SORCS2: variants seen among roughly 807,000 people sequenced by gnomAD.
The protein encoded by SORCS2 is sortilin related VPS10 domain containing receptor 2, also known as VPS10 domain-containing receptor SorCS2.
A neutral mutation model predicts 141.6 loss-of-function variants in SORCS2; 100 were observed. The observed-to-expected ratio is 0.71, with a 90% CI of 0.60 to 0.83. The LOEUF (loss-of-function observed/expected upper bound fraction) is 0.83. SORCS2 is among the 40% of genes least tolerant of loss of function. The pLI, the probability that SORCS2 is intolerant of heterozygous loss-of-function variation, is 0.00. For synonymous variants in SORCS2, 789 were observed against 676.9 expected (o/e 1.17, Z -2.57); for missense variants, 1,646 against 1,560.2 (o/e 1.05, Z -0.93).
intron 1 of SORCS2, among the ~76,000 whole-genome samples, chr4:7,373,008 T>TTTG (rs1292538187): frequency 6.0e-5 from 9 of 149,424 alleles, no homozygotes; most frequent in Non-Finnish European, 6.0e-5. Flanking sequence ...TGGTTTCTGT[T>TTTG]TTTTTTTTTT....
rs373481936 is a variant in SORCS2, at chr4:7,215,430, G to T, written c.480+22304G>T. Among the ~76,000 whole-genome samples the T allele has an allele frequency of 1.5e-4, 23 of 152,336 alleles. No homozygotes were observed. In the South Asian group the frequency reaches 4.8e-3, roughly 32 times the overall value. ...CCTTCCCCCGACTCCGTGGGTTCCT[G>T]TGCTGCCCGAGCCTCCCTGACGAGC... On this transcript the variant is annotated intron_variant, in intron 1 of 26. Coordinates refer to ENST00000507866, the MANE Select transcript of SORCS2 (RefSeq NM_020777.3).
intron 2 of SORCS2, among the ~76,000 whole-genome samples, chr4:7,412,511 C>T (rs867200330): frequency 1.3e-5 from 2 of 152,192 alleles, no homozygotes; most frequent in South Asian, 4.1e-4. Flanking sequence ...AAGATCGTCT[C>T]AGATGCTTTT....
At chr4:7,701,584 C>T (rs887509231) in intron 12 of SORCS2, among the ~76,000 whole-genome samples, 1 of 152,174 alleles carries the variant, frequency 6.6e-6, no homozygotes, top group Non-Finnish European at 1.5e-5. Context: ...GTAAGTGTCA[C>T]GGAAGCATTG....
At chr4:7,724,582 G>GTGATGA (rs1726962053) in intron 19 of SORCS2, among the ~76,000 whole-genome samples, 1 of 110,366 alleles carries the variant, frequency 9.1e-6, no homozygotes, top group African/African-American at 3.9e-5. Flanking sequence ...GATGGTGATG[G>GTGATGA]TGGTGGTGTT....
chr4:7,710,958 C>A (rs556234920), intron 14 of SORCS2, among the ~76,000 whole-genome samples: 1 of 152,292 alleles, frequency 6.6e-6, no homozygotes, highest in South Asian at 2.1e-4. Flanking sequence ...GACTGTGAGC[C>A]CAGAACCAGG....
intron 10 of SORCS2, among the ~76,000 whole-genome samples, chr4:7,686,391 A>G (rs1557818): frequency 0.66 from 100,162 of 152,106 alleles, 33,386 homozygotes; most frequent in East Asian, 0.91. Flanking sequence ...GTAGGCTTTG[A>G]TGATTTGCTA....
chr4:7,502,953 C>G (rs11735566), intron 2 of SORCS2, among the ~76,000 whole-genome samples: 1 of 152,098 alleles, frequency 6.6e-6, no homozygotes, highest in Admixed American at 6.5e-5. Context: ...CTTTAAGAAT[C>G]TGTCTACTCC....
At chr4:7,533,610 G>A (rs1360858602) in intron 3 of SORCS2, among the ~76,000 whole-genome samples, 1 of 152,222 alleles carries the variant, frequency 6.6e-6, no homozygotes, top group Non-Finnish European at 1.5e-5. Context: ...TACCTCCAGG[G>A]TCAGCCCTGC....
intron 1 of SORCS2, among the ~76,000 whole-genome samples, chr4:7,384,065 G>A (rs1276841784): frequency 6.6e-6 from 1 of 152,154 alleles, no homozygotes; most frequent in Non-Finnish European, 1.5e-5. Flanking sequence ...ACTGGGTTTC[G>A]TGCCTGTGAA....
intron 3 of SORCS2, among the ~76,000 whole-genome samples, chr4:7,610,794 G>T (rs562131336): frequency 1.3e-5 from 2 of 152,314 alleles, no homozygotes; most frequent in African/African-American, 4.8e-5. Flanking sequence ...ACTACGATTG[G>T]TAAAGTCCCG....
intron 14 of SORCS2, among the ~76,000 whole-genome samples, chr4:7,709,549 C>T (rs1034821594): frequency 1.3e-5 from 2 of 152,228 alleles, no homozygotes; most frequent in African/African-American, 2.4e-5. Context: ...CTTCAGACAG[C>T]TTCCCAGTCC....
At chr4:7,316,745 T>A (rs533992589) in intron 1 of SORCS2, among the ~76,000 whole-genome samples, 13 of 152,298 alleles carry the variant, frequency 8.5e-5, no homozygotes, top group African/African-American at 3.1e-4. Flanking sequence ...TGAGTTCTTG[T>A]ACAGTTCGCA....
chr4:7,691,056 T>C (rs1724212952), intron 11 of SORCS2, among the ~76,000 whole-genome samples: 1 of 152,144 alleles, frequency 6.6e-6, no homozygotes. Context: ...ACAGGCAGCA[T>C]CTCCTGCAGA....
At chr4:7,255,416 G>C (rs148772288) in intron 1 of SORCS2, among the ~76,000 whole-genome samples, 3 of 152,300 alleles carry the variant, frequency 2.0e-5, no homozygotes, top group Non-Finnish European at 4.4e-5. Flanking sequence ...GAACTGAAGT[G>C]AGTTGGAGCG....
chr4:7,706,734 GCCTGGGCAGGGATGAGGCTGGGC>G (rs1725490976), intron 14 of SORCS2, among the ~76,000 whole-genome samples: 1 of 143,136 alleles, frequency 7.0e-6, no homozygotes, highest in South Asian at 2.3e-4. Context: ...GCTGGGCTCT[GCCTGGGCAGGGATGAGGCTGGGC>G]TCTGCCTGGA....
chr4:7,714,016 G>A (rs1490892854), intron 15 of SORCS2, among the ~76,000 whole-genome samples: 1 of 152,232 alleles, frequency 6.6e-6, no homozygotes, highest in Non-Finnish European at 1.5e-5. Context: ...GCCCAGCCAG[G>A]GCTGCACACA....
chr4:7,484,753 C>T (rs1730868153), intron 2 of SORCS2, among the ~76,000 whole-genome samples: 1 of 152,150 alleles, frequency 6.6e-6, no homozygotes, highest in Admixed American at 6.5e-5. Context: ...GCCATCTTCA[C>T]AACACACACC....
At position 7,220,202 on chromosome 4, in the gene SORCS2, TG is replaced by T. The variant is rs34968793; in HGVS notation, c.480+27079del. 7.3e-3 allele frequency among the ~76,000 whole-genome samples: 1,107 copies of T among 151,094 alleles called. 13 individuals are homozygous for T. Among genetic ancestry groups the T allele is most frequent in the African/African-American group, 0.025 (1,030 of 41,120 alleles). On this transcript the variant is annotated intron_variant, in intron 1 of 26. Transcript: ENST00000507866. The stretch of plus-strand genomic sequence containing the variant: ...GCGGCCCTGCACTGAGGGAGCCAGC[TG>T]GGTGCCATGGGGCCTAGTGAGGAGC...
At chr4:7,687,229 A>ACCTTCT (rs1294908692) in intron 10 of SORCS2, among the ~76,000 whole-genome samples, 1 of 151,992 alleles carries the variant, frequency 6.6e-6, no homozygotes, top group Non-Finnish European at 1.5e-5. Flanking sequence ...CCTGCACTAC[A>ACCTTCT]CCTTCTCCTT....
Sources: allele counts gnomAD v4.1 joint callset (sites outside exome capture counted in the v4.1 genomes callset), GRCh38; gene constraint gnomAD v4.1.1; transcripts MANE v1.5; gene names NCBI Gene and HGNC (gene_info 2026-07-23, HGNC 2026-07-21).